Variants in NKAIN3 observed in about 807,000 individuals in gnomAD.
NKAIN3 encodes the protein sodium/potassium transporting ATPase interacting 3, also known as sodium/potassium-transporting ATPase subunit beta-1-interacting protein 3.
In NKAIN3, 25 loss-of-function variants were observed where a neutral mutation model predicts 30.2. The observed-to-expected ratio is 0.83, with a 90% CI of 0.60 to 1.16. NKAIN3 has a LOEUF of 1.16. Ranked by LOEUF, NKAIN3 falls within the 50% of genes most tolerant of loss-of-function variation. NKAIN3 has a pLI of 0.00. For synonymous variants in NKAIN3, 91 were observed against 89.6 expected, an observed-to-expected ratio of 1.02 and a Z score of -0.09; for missense variants, 225 against 254.1, an observed-to-expected ratio of 0.89 and a Z score of 0.78.
intron 4 of NKAIN3, among the ~76,000 whole-genome samples, chr8:62,819,987 C>T (rs1055090911): frequency 1.3e-5 from 2 of 151,936 alleles, no homozygotes; most frequent in African/African-American, 4.8e-5. Context: ...AATTTTTTAA[C>T]AAAAAGCTTA....
intron 4 of NKAIN3, among the ~76,000 whole-genome samples, chr8:62,794,877 C>T (rs148209019): frequency 6.6e-6 from 1 of 152,222 alleles, no homozygotes; most frequent in Non-Finnish European, 1.5e-5. Flanking sequence ...TTGGCTCCTG[C>T]TGCTTCTTTT....
intron 3 of NKAIN3, among the ~76,000 whole-genome samples, chr8:62,709,229 G>A (rs1232359755): frequency 6.6e-6 from 1 of 152,096 alleles, no homozygotes; most frequent in African/African-American, 2.4e-5. Context: ...GGTGATGCTG[G>A]CTTCATAGAA....
chr8:62,794,498 C>G (rs182056195), intron 4 of NKAIN3, among the ~76,000 whole-genome samples: 4 of 152,218 alleles, frequency 2.6e-5, no homozygotes. Flanking sequence ...CCCACCCCCC[C>G]ACCAAATCTA....
chr8:62,998,479 T>G (rs1303008945), intron 5 of NKAIN3, among the ~76,000 whole-genome samples: 1 of 152,160 alleles, frequency 6.6e-6, no homozygotes, highest in East Asian at 1.9e-4. Flanking sequence ...TTCACCATGT[T>G]GGACAGGCTG....
At chr8:62,619,812 C>G (rs1372027589) in intron 3 of NKAIN3, among the ~76,000 whole-genome samples, 1 of 151,946 alleles carries the variant, frequency 6.6e-6, no homozygotes, top group Non-Finnish European at 1.5e-5. Flanking sequence ...GTTGACAAAT[C>G]ATTGAATTGC....
chr8:62,934,417 T>C (rs1270086036), intron 5 of NKAIN3, among the ~76,000 whole-genome samples: 2 of 151,976 alleles, frequency 1.3e-5, no homozygotes, highest in Non-Finnish European at 2.9e-5. Context: ...GAAAAATAAC[T>C]TATTTTTTCC....
At chr8:62,729,864 C>T (rs1052379607) in intron 3 of NKAIN3, among the ~76,000 whole-genome samples, 1 of 152,194 alleles carries the variant, frequency 6.6e-6, no homozygotes, top group Admixed American at 6.5e-5. Flanking sequence ...AACACTATTA[C>T]ATGTGTACAC....
At chr8:62,804,284 A>C (rs1396647526) in intron 4 of NKAIN3, among the ~76,000 whole-genome samples, 1 of 152,234 alleles carries the variant, frequency 6.6e-6, no homozygotes, top group African/African-American at 2.4e-5. Context: ...TCATCCTGAT[A>C]CCAAAGCCAG....
intron 1 of NKAIN3, among the ~76,000 whole-genome samples, chr8:62,419,206 A>G (rs1804555402): frequency 6.6e-6 from 1 of 152,148 alleles, no homozygotes. Flanking sequence ...ACTTTAACTG[A>G]GATTGTAGCA....
intron 1 of NKAIN3, among the ~76,000 whole-genome samples, chr8:62,501,779 T>A (rs916437782): frequency 1.3e-5 from 2 of 152,174 alleles, no homozygotes; most frequent in Non-Finnish European, 2.9e-5. Context: ...GGGCTTACAT[T>A]TCCTGTGTAT....
chr8:62,258,944 C>A, intron 1 of NKAIN3, among the ~76,000 whole-genome samples: 1 of 152,064 alleles, frequency 6.6e-6, no homozygotes, highest in East Asian at 1.9e-4. Flanking sequence ...TGGCCCAAGG[C>A]CTTAATATTA....
At chr8:62,280,254 T>A (rs1030714547) in intron 1 of NKAIN3, among the ~76,000 whole-genome samples, 1 of 152,234 alleles carries the variant, frequency 6.6e-6, no homozygotes, top group Non-Finnish European at 1.5e-5. Flanking sequence ...AAGTTGCTTA[T>A]CAGCTTAAGG....
At chr8:62,536,290 ATCTCTAGC>A (rs1437315670) in intron 1 of NKAIN3, among the ~76,000 whole-genome samples, 2 of 152,312 alleles carry the variant, frequency 1.3e-5, no homozygotes, top group Admixed American at 1.3e-4. Context: ...AAGATGACAG[ATCTCTAGC>A]TGAAGATGGA....
At chr8:62,822,294 A>G (rs970320029) in intron 4 of NKAIN3, among the ~76,000 whole-genome samples, 9 of 152,204 alleles carry the variant, frequency 5.9e-5, no homozygotes, top group African/African-American at 2.2e-4. Context: ...CAAAAGGAAA[A>G]TTCTATTGAT....
intron 3 of NKAIN3, among the ~76,000 whole-genome samples, chr8:62,679,354 G>A (rs1159639746): frequency 2.6e-5 from 4 of 152,184 alleles, no homozygotes; most frequent in South Asian, 2.1e-4. Flanking sequence ...TCTAGCAGAC[G>A]TGAGAGACAA....
chr8:62,578,778 G>A (rs1374717045), intron 1 of NKAIN3, among the ~76,000 whole-genome samples: 1 of 151,902 alleles, frequency 6.6e-6, no homozygotes, highest in African/African-American at 2.4e-5. Context: ...TATGAAATAA[G>A]CCAATCACAG....
intron 4 of NKAIN3, among the ~76,000 whole-genome samples, chr8:62,747,564 A>G (rs900956847): frequency 2.0e-5 from 3 of 152,210 alleles, no homozygotes; most frequent in African/African-American, 4.8e-5. Context: ...TAAAAAACAA[A>G]TCCCACTGGA....
chr8:62,283,891 C>A (rs1813284465), intron 1 of NKAIN3, among the ~76,000 whole-genome samples: 1 of 151,902 alleles, frequency 6.6e-6, no homozygotes, highest in Admixed American at 6.6e-5. Context: ...TTTTTTATTT[C>A]TTTGGGAATA....
At chr8:62,962,634 C>G (rs534401002) in intron 6 of NKAIN3, among the ~76,000 whole-genome samples, 1 of 152,142 alleles carries the variant, frequency 6.6e-6, no homozygotes, top group African/African-American at 2.4e-5. Context: ...TAACACCATT[C>G]CCTACCAAAC....
Sources: allele counts gnomAD v4.1 joint callset (sites outside exome capture counted in the v4.1 genomes callset), GRCh38; gene constraint gnomAD v4.1.1; transcripts MANE v1.5; gene names NCBI Gene and HGNC (gene_info 2026-07-23, HGNC 2026-07-21).